RCHY1: variants seen among roughly 807,000 people sequenced by gnomAD.
RCHY1 encodes ring finger and CHY zinc finger domain containing 1, also known as RING finger and CHY zinc finger domain-containing protein 1.
A neutral mutation model predicts 41.6 loss-of-function variants in RCHY1; 21 were observed. That is an observed-to-expected ratio of 0.51 (90% CI 0.36 to 0.73). RCHY1 has a LOEUF of 0.73. Ranked by LOEUF, RCHY1 falls within the 30% of genes least tolerant of loss-of-function variation. RCHY1 has a pLI of 0.00. For missense variants in RCHY1, 265 were observed against 325.3 expected, an observed-to-expected ratio of 0.81 and a Z score of 1.43; for synonymous variants, 79 against 102.9, an observed-to-expected ratio of 0.77 and a Z score of 1.41.
Position 75,514,352 on chromosome 4 carries a change from T to C in RCHY1, c.-66A>G. ...GGATAAAAACCACGCCCAGAGAAGCTGCGCCTCTCTAGCACACCCCTCCCA... is the reference window on the plus strand; with the variant it reads ...GGATAAAAACCACGCCCAGAGAAGCCGCGCCTCTCTAGCACACCCCTCCCA... On this transcript the variant is annotated 5_prime_UTR_variant, in exon 1 of 9. Transcript: ENST00000324439. 1 of 1,541,488 alleles carries C rather than the reference T, an allele frequency of 6.5e-7. No homozygotes were observed. Among genetic ancestry groups the C allele is most frequent in the Non-Finnish European group, 8.8e-7 (1 of 1,130,298 alleles).
intron 1 of RCHY1, 66 bp downstream of exon 1, chr4:75,514,131 C>G: frequency 6.4e-7 from 1 of 1,566,332 alleles, no homozygotes; most frequent in East Asian, 2.3e-5. Context: ...GCCTAACCAC[C>G]TGCCCAGCCC....
intron 8 of RCHY1, among the ~76,000 whole-genome samples, chr4:75,487,543 TATATATTCATA>T (rs1480685224): frequency 4.3e-5 from 5 of 117,624 alleles, no homozygotes; most frequent in African/African-American, 1.4e-4. Context: ...ATTCATAATA[TATATATTCATA>T]ATATATTCAT....
chr4:75,504,413 C>T (rs1282914694), intron 3 of RCHY1, among the ~76,000 whole-genome samples: 1 of 152,124 alleles, frequency 6.6e-6, no homozygotes, highest in Non-Finnish European at 1.5e-5. Context: ...GGATGAAGAC[C>T]TTTATGATGA....
chr4:75,512,689 CT>C (rs902533934), intron 1 of RCHY1, among the ~76,000 whole-genome samples: 3 of 152,084 alleles, frequency 2.0e-5, no homozygotes, highest in African/African-American at 7.2e-5. Context: ...CAAGAATACC[CT>C]ATAAGTGCTA....
chr4:75,487,757 AATAT>A (rs796094134), intron 8 of RCHY1, among the ~76,000 whole-genome samples: 3 of 29,150 alleles, frequency 1.0e-4, no homozygotes, highest in African/African-American at 6.1e-4. Context: ...ATATATTCAT[AATAT>A]ATATATTCAT....
At chr4:75,488,740 C>T (rs112103682) in intron 8 of RCHY1, among the ~76,000 whole-genome samples, 32,283 of 151,998 alleles carry the variant, frequency 0.21, 3,472 homozygotes, top group Middle Eastern at 0.32. Context: ...TGGACAGCCA[C>T]CTGGCCCTTC....
chr4:75,491,628 A>G lies in RCHY1; in HGVS notation c.519T>C (p.Tyr173=), dbSNP rs1285421888. ...ACACTCACTCTTTCAACATTTCTTCATAACACGTTCTGAAAGAAAATATAA... is the reference window on the plus strand; with the variant it reads ...ACACTCACTCTTTCAACATTTCTTCGTAACACGTTCTGAAAGAAAATATAA... ...PCGHLLHRTC[Y]EEMLKEGYRC... Residue 173 remains tyrosine (Y), a synonymous_variant, in exon 7 of 9, where the codon TAT becomes TAC. Transcript: ENST00000324439. The G allele has an allele frequency of 6.2e-6, 10 of 1,601,274 alleles. No homozygotes were observed. Among genetic ancestry groups the G allele is most frequent in the East Asian group, 2.2e-5 (1 of 44,756 alleles).
At chr4:75,499,683 T>C (rs1278092097) in intron 3 of RCHY1, among the ~76,000 whole-genome samples, 1 of 152,066 alleles carries the variant, frequency 6.6e-6, no homozygotes, top group African/African-American at 2.4e-5. Flanking sequence ...AAGACAAATA[T>C]CACATGTTCT....
At chr4:75,491,511 C>T in intron 7 of RCHY1, 100 bp downstream of exon 7, 1 of 1,033,138 alleles carries the variant, frequency 9.7e-7, no homozygotes, top group South Asian at 1.5e-5. Flanking sequence ...TATTGCCATG[C>T]CCAATATAGT....
At chr4:75,487,375 G>A (rs186667544) in intron 8 of RCHY1, among the ~76,000 whole-genome samples, 82 of 149,030 alleles carry the variant, frequency 5.5e-4, no homozygotes, top group African/African-American at 2.0e-3. Context: ...ACTGAGTTTC[G>A]AAGAGTAAAG....
intron 1 of RCHY1, among the ~76,000 whole-genome samples, chr4:75,513,642 A>G (rs1725196185): frequency 6.6e-6 from 1 of 152,194 alleles, no homozygotes. Context: ...TCTCAGAGTA[A>G]CAATACATGC....
intron 3 of RCHY1, among the ~76,000 whole-genome samples, chr4:75,502,027 G>A (rs1163502199): frequency 6.6e-6 from 1 of 151,812 alleles, no homozygotes; most frequent in East Asian, 1.9e-4. Context: ...AGCCAAGACA[G>A]TGCCATTGTA....
intron 3 of RCHY1, among the ~76,000 whole-genome samples, chr4:75,507,704 G>C (rs1175673465): frequency 6.6e-6 from 1 of 151,890 alleles, no homozygotes; most frequent in Non-Finnish European, 1.5e-5. Flanking sequence ...TAGAGCCTAG[G>C]GCAGGAAACA....
intron 1 of RCHY1, among the ~76,000 whole-genome samples, chr4:75,512,267 A>C (rs1438862322): frequency 1.3e-5 from 2 of 151,908 alleles, no homozygotes; most frequent in African/African-American, 4.8e-5. Flanking sequence ...TGGCTTTAAA[A>C]CTCTAACAAC....
chr4:75,485,621 T>C (rs1721935675), intron 8 of RCHY1, among the ~76,000 whole-genome samples: 1 of 152,236 alleles, frequency 6.6e-6, no homozygotes, highest in Admixed American at 6.5e-5. Flanking sequence ...TTTTGAGATA[T>C]ACATTTTCTA....
intron 1 of RCHY1, among the ~76,000 whole-genome samples, chr4:75,509,961 A>C (rs1315675524): frequency 6.6e-6 from 1 of 152,208 alleles, no homozygotes; most frequent in Non-Finnish European, 1.5e-5. Context: ...TTCTGAGCCT[A>C]AACAGCAAAC....
At chr4:75,508,291 T>G (rs1430266635) in intron 3 of RCHY1, among the ~76,000 whole-genome samples, 1 of 152,084 alleles carries the variant, frequency 6.6e-6, no homozygotes, top group South Asian at 2.1e-4. Context: ...TGCTTTAATA[T>G]ACATCTAAAA....
chr4:75,494,257 G>C, intron 3 of RCHY1, 78 bp from the exon 4 acceptor site: 2 of 1,027,662 alleles, frequency 1.9e-6, no homozygotes, highest in Non-Finnish European at 2.9e-6. Flanking sequence ...TAAAACACAA[G>C]TTTAGTCTCT....
chr4:75,513,309 T>C lies in RCHY1; in HGVS notation c.90+888A>G, dbSNP rs958033199. 2.9e-4 allele frequency among the ~76,000 whole-genome samples: 44 copies of C among 152,280 alleles called. 1 individual carries two copies. Among genetic ancestry groups the C allele is most frequent in the Non-Finnish European group, 1.6e-4 (11 of 68,016 alleles). ...ATAATAATACTCAGATTGACGATGA[T>C]AGTAACAGTCATGGTGGTATATATT... On this transcript the variant is annotated intron_variant, in intron 1 of 8. Coordinates refer to ENST00000324439, the MANE Select transcript of RCHY1 (RefSeq NM_015436.4).
Sources: gnomAD v4.1 joint callset for allele counts (sites outside exome capture counted in the v4.1 genomes callset) on GRCh38, gnomAD v4.1.1 for gene constraint, MANE v1.5 for transcripts, NCBI Gene and HGNC (gene_info 2026-07-23, HGNC 2026-07-21) for gene names.